PLXDC2: variants seen among roughly 807,000 people sequenced by gnomAD.
PLXDC2 encodes plexin domain containing 2.
In PLXDC2, 40 loss-of-function variants were observed where a neutral mutation model predicts 68.9. That is an observed-to-expected ratio of 0.58 (90% CI 0.45 to 0.76). The LOEUF is 0.76. Ranked by LOEUF, PLXDC2 falls within the 30% of genes least tolerant of loss-of-function variation. The pLI, the probability that PLXDC2 is intolerant of heterozygous loss-of-function variation, is 0.00. For synonymous variants in PLXDC2, 243 were observed against 234.2 expected (o/e 1.04, Z -0.34); for missense variants, 644 against 661.9 (o/e 0.97, Z 0.30).
At chr10:20,139,352 A>G (rs1833971897) in intron 4 of PLXDC2, among the ~76,000 whole-genome samples, 6 of 152,232 alleles carry the variant, frequency 3.9e-5, no homozygotes, top group Admixed American at 1.3e-4. Flanking sequence ...TGTCTTTCTC[A>G]GTCCCAAATT....
At chr10:19,867,662 G>T (rs542742688) in intron 1 of PLXDC2, among the ~76,000 whole-genome samples, 1 of 152,166 alleles carries the variant, frequency 6.6e-6, no homozygotes, top group East Asian at 1.9e-4. Flanking sequence ...CGTGTGGCAG[G>T]CTTCTAGAGG....
intron 1 of PLXDC2, among the ~76,000 whole-genome samples, chr10:19,832,016 T>G (rs1310004408): frequency 4.6e-5 from 7 of 152,232 alleles, no homozygotes; most frequent in African/African-American, 1.7e-4. Context: ...TCCAATAATC[T>G]GCACCCAGAA....
intron 3 of PLXDC2, among the ~76,000 whole-genome samples, chr10:20,055,251 G>A (rs980516099): frequency 2.0e-5 from 3 of 152,044 alleles, no homozygotes; most frequent in African/African-American, 7.2e-5. Flanking sequence ...AAAAAATTAA[G>A]TTTTCTGGAG....
chr10:20,270,733 C>T (rs980481205), intron 13 of PLXDC2, among the ~76,000 whole-genome samples: 3 of 151,836 alleles, frequency 2.0e-5, no homozygotes, highest in Admixed American at 2.0e-4. Context: ...TTAGTAGAGA[C>T]GGGGTTTCAC....
intron 1 of PLXDC2, among the ~76,000 whole-genome samples, chr10:19,847,926 C>T (rs1385725389): frequency 6.6e-6 from 1 of 152,150 alleles, no homozygotes; most frequent in African/African-American, 2.4e-5. Flanking sequence ...TGTGCCTAAC[C>T]ATAGAACTAT....
In PLXDC2 at chr10:20,217,413, T is replaced by G; in HGVS notation, c.1123-13T>G. The G allele has an allele frequency of 6.2e-7, 1 of 1,600,344 alleles. No homozygotes were observed. The highest frequency in any genetic ancestry group is 8.5e-7 in the Non-Finnish European group (1 of 1,173,418). On this transcript the variant is annotated splice_polypyrimidine_tract_variant and intron_variant, in intron 10 of 13. Coordinates refer to ENST00000377252, the MANE Select transcript of PLXDC2 (RefSeq NM_032812.9). ...ATCACTCCATTTGTTTTCCTTTTCT[T>G]TTCTCTTACTAGTCAAAAGAGAAGA...
chr10:20,011,374 G>A (rs1241707810), intron 2 of PLXDC2, among the ~76,000 whole-genome samples: 2 of 152,140 alleles, frequency 1.3e-5, no homozygotes, highest in African/African-American at 4.8e-5. Context: ...AAGCATGGAA[G>A]GGGGATTGTA....
At position 19,931,248 on chromosome 10, in the gene PLXDC2, C is replaced by G. The variant is rs146215412; in HGVS notation, c.113-70527C>G. On this transcript the variant is annotated intron_variant, in intron 1 of 13. Coordinates refer to ENST00000377252, the MANE Select transcript of PLXDC2 (RefSeq NM_032812.9). ...TTCAGAAGTCCTGAGGACGGGCCAG[C>G]TTGGCAAGTTTTCTCCTTTTCAGCT... Among the ~76,000 whole-genome samples, 41 of 152,354 alleles carry G rather than the reference C, an allele frequency of 2.7e-4. No homozygotes were observed. The East Asian group carries it at 5.2e-3, about 19-fold the overall frequency.
chr10:19,859,660 A>G (rs1837283319), intron 1 of PLXDC2, among the ~76,000 whole-genome samples: 1 of 152,164 alleles, frequency 6.6e-6, no homozygotes, highest in Non-Finnish European at 1.5e-5. Flanking sequence ...ATTTTAAGGA[A>G]TCTTAGAAAT....
intron 4 of PLXDC2, among the ~76,000 whole-genome samples, chr10:20,108,359 G>C (rs1589632984): frequency 6.6e-6 from 1 of 152,046 alleles, no homozygotes; most frequent in African/African-American, 2.4e-5. Flanking sequence ...AAACTCTAAG[G>C]CATCCTACAA....
chr10:19,816,966 C>A lies in PLXDC2; in HGVS notation c.-114C>A, dbSNP rs557913471. ...TCGCAGCGACATTTACAAAGGCCTC[C>A]GGGTCCTACCGAGACCGATCCGCAG... is the stretch of plus-strand genomic sequence containing the variant. On this transcript the variant is annotated 5_prime_UTR_variant, in exon 1 of 14. Transcript: ENST00000377252. 1.4e-6 allele frequency: 1 copy of A among 711,056 alleles called. No individual in the cohort carries two copies. The highest frequency in any genetic ancestry group is 2.7e-5 in the East Asian group (1 of 37,044). 44.0% of individuals were successfully genotyped at this position (711,056 alleles called of 1,614,324 possible). A position where few individuals can be genotyped will look rare whatever the true frequency, so the allele number is the denominator to read the frequency against.
intron 1 of PLXDC2, among the ~76,000 whole-genome samples, chr10:19,911,843 T>C (rs1169576454): frequency 6.6e-6 from 1 of 152,236 alleles, no homozygotes; most frequent in Non-Finnish European, 1.5e-5. Context: ...TACAGATCAG[T>C]ATTTAATTCT....
At chr10:20,188,206 C>T (rs1834712362) in intron 9 of PLXDC2, among the ~76,000 whole-genome samples, 1 of 151,508 alleles carries the variant, frequency 6.6e-6, no homozygotes, top group Non-Finnish European at 1.5e-5. Flanking sequence ...AGAACTTATT[C>T]CTTCTATCGG....
intron 1 of PLXDC2, among the ~76,000 whole-genome samples, chr10:19,913,078 A>G (rs1013689928): frequency 1.3e-5 from 2 of 152,222 alleles, no homozygotes; most frequent in Non-Finnish European, 2.9e-5. Context: ...GAATGCAGCT[A>G]TACACAATGA....
chr10:20,060,717 G>A (rs1468479134), intron 3 of PLXDC2, among the ~76,000 whole-genome samples: 1 of 152,038 alleles, frequency 6.6e-6, no homozygotes, highest in Non-Finnish European at 1.5e-5. Flanking sequence ...TGTCTAGGTG[G>A]TTTCAAATGA....
intron 12 of PLXDC2, among the ~76,000 whole-genome samples, chr10:20,227,834 T>G (rs1835306404): frequency 6.6e-6 from 1 of 152,062 alleles, no homozygotes; most frequent in Non-Finnish European, 1.5e-5. Context: ...TAGGAGGTTA[T>G]ACTAGTAATC....
At chr10:19,888,308 T>A (rs1015616862) in intron 1 of PLXDC2, among the ~76,000 whole-genome samples, 2 of 152,232 alleles carry the variant, frequency 1.3e-5, no homozygotes, top group African/African-American at 2.4e-5. Context: ...GATTCAAATG[T>A]ATCTAGGATT....
At chr10:19,989,502 T>C (rs1472509204) in intron 1 of PLXDC2, among the ~76,000 whole-genome samples, 2 of 152,170 alleles carry the variant, frequency 1.3e-5, no homozygotes, top group Non-Finnish European at 1.5e-5. Context: ...TGAAATCAAG[T>C]TATACGCATA....
chr10:20,023,897 G>A (rs906195629), intron 2 of PLXDC2, among the ~76,000 whole-genome samples: 1 of 151,964 alleles, frequency 6.6e-6, no homozygotes, highest in Non-Finnish European at 1.5e-5. Flanking sequence ...ATTCATTCTG[G>A]ATCTCTGGAG....
Sources: gnomAD v4.1 joint callset for allele counts (sites outside exome capture counted in the v4.1 genomes callset) on GRCh38, gnomAD v4.1.1 for gene constraint, MANE v1.5 for transcripts, NCBI Gene and HGNC (gene_info 2026-07-23, HGNC 2026-07-21) for gene names.